SERP2: variants seen among roughly 807,000 people sequenced by gnomAD.
The protein encoded by SERP2 is stress associated endoplasmic reticulum protein family member 2, also known as stress-associated endoplasmic reticulum protein 2.
SERP2 carries 6 observed loss-of-function variants against 9.1 expected under a neutral mutation model. The observed-to-expected ratio is 0.66, with a 90% CI of 0.36 to 1.30. The LOEUF (loss-of-function observed/expected upper bound fraction) is 1.30, where lower values mean the gene tolerates loss of function less well. Among genes scored for constraint, SERP2 ranks in the 50% most tolerant of loss-of-function variants. The pLI, the probability that SERP2 is intolerant of heterozygous loss-of-function variation, is 0.03. For synonymous variants in SERP2, 37 were observed against 27.3 expected, an observed-to-expected ratio of 1.35 and a Z score of -1.10; for missense variants, 58 against 81.9, an observed-to-expected ratio of 0.71 and a Z score of 1.13.
intron 1 of SERP2, among the ~76,000 whole-genome samples, chr13:44,376,794 G>A (rs1871680214): frequency 6.6e-6 from 1 of 151,958 alleles, no homozygotes; most frequent in Admixed American, 6.6e-5. Flanking sequence ...AGGAAACAGA[G>A]AAATGGAATA....
At chr13:44,395,987 A>C in intron 2 of SERP2, 1 of 335,628 alleles carries the variant, frequency 3.0e-6, no homozygotes, top group Non-Finnish European at 6.0e-6. Flanking sequence ...TAATGAGATC[A>C]CAGCACGTCT....
At chr13:44,385,967 G>C (rs759026290) in intron 2 of SERP2, among the ~76,000 whole-genome samples, 1 of 152,116 alleles carries the variant, frequency 6.6e-6, no homozygotes, top group East Asian at 1.9e-4. Flanking sequence ...CATCCTTCCC[G>C]GCTGCATGTT....
intron 2 of SERP2, among the ~76,000 whole-genome samples, chr13:44,385,064 G>A (rs1486932883): frequency 6.6e-6 from 1 of 152,250 alleles, no homozygotes; most frequent in Non-Finnish European, 1.5e-5. Flanking sequence ...CTGGTAAGAA[G>A]CTGGCATTTA....
chr13:44,395,909 G>A lies in SERP2; in HGVS notation c.158-1363G>A, dbSNP rs139034148. The A allele has an allele frequency of 7.1e-4, 321 of 451,054 alleles. 2 individuals carry two copies. The highest frequency in any genetic ancestry group is 5.4e-3 in the African/African-American group (271 of 49,828). 27.9% of individuals were successfully genotyped at this position (451,054 alleles called of 1,614,324 possible). A position where few individuals can be genotyped will look rare whatever the true frequency, so the allele number is the denominator to read the frequency against. ...GAGACCCAAAAAATGATCAGAAGCA[G>A]AAATGGGAGCCCAGAAGTGCAGCTG... On this transcript the variant is annotated intron_variant, in intron 2 of 2. Coordinates refer to ENST00000379179, the MANE Select transcript of SERP2 (RefSeq NM_001010897.3).
At chr13:44,378,113 TATCTATGATAAA>T in intron 1 of SERP2, among the ~76,000 whole-genome samples, 1 of 152,352 alleles carries the variant, frequency 6.6e-6, no homozygotes, top group East Asian at 1.9e-4. Flanking sequence ...ACTGTTGCCT[TATCTATGATAAA>T]ATAAATTCCT....
chr13:44,376,732 G>A (rs1002057337), intron 1 of SERP2, among the ~76,000 whole-genome samples: 13 of 151,656 alleles, frequency 8.6e-5, no homozygotes, highest in Non-Finnish European at 1.9e-4. Flanking sequence ...CCGAGATCAC[G>A]CCACCGCACT....
chr13:44,379,638 T>C lies in SERP2; in HGVS notation c.85-3T>C. 6.2e-7 allele frequency: 1 copy of C among 1,609,712 alleles called. No homozygotes were observed. The highest frequency in any genetic ancestry group is 8.5e-7 in the Non-Finnish European group (1 of 1,177,704). The stretch of plus-strand genomic sequence containing the variant: ...AATCTTACTTTTTCCCATTCCCTTT[T>C]AGAGGCCGCAAGAGGAGAAATATCC... On this transcript the variant is annotated splice_polypyrimidine_tract_variant and splice_region_variant and intron_variant, in intron 1 of 2. Transcript: ENST00000379179.
At chr13:44,383,287 G>A (rs1009839311) in intron 2 of SERP2, among the ~76,000 whole-genome samples, 4 of 152,192 alleles carry the variant, frequency 2.6e-5, no homozygotes, top group African/African-American at 9.7e-5. Context: ...GAAAAAGCCA[G>A]TAGAGTCATT....
At chr13:44,380,040 C>T (rs1871882799) in intron 2 of SERP2, among the ~76,000 whole-genome samples, 1 of 152,182 alleles carries the variant, frequency 6.6e-6, no homozygotes, top group Admixed American at 6.5e-5. Context: ...CACCTGTGTG[C>T]CTGTGATAAA....
chr13:44,374,527 T>C (rs189356974), intron 1 of SERP2, among the ~76,000 whole-genome samples: 118 of 152,328 alleles, frequency 7.7e-4, no homozygotes, highest in African/African-American at 2.6e-3. Flanking sequence ...GAACGTTGCA[T>C]GACACAGAGC....
chr13:44,380,161 G>A (rs888824295), intron 2 of SERP2, among the ~76,000 whole-genome samples: 9 of 152,152 alleles, frequency 5.9e-5, no homozygotes, highest in African/African-American at 1.4e-4. Flanking sequence ...CTTAAGGTAT[G>A]GGTCACCTGA....
At chr13:44,390,648 T>C in intron 2 of SERP2, 1 of 198,556 alleles carries the variant, frequency 5.0e-6, no homozygotes, top group South Asian at 6.9e-5. Flanking sequence ...CAGAAGCATC[T>C]TTCTGTTATT....
chr13:44,385,902 G>A (rs1199334171), intron 2 of SERP2, among the ~76,000 whole-genome samples: 1 of 152,106 alleles, frequency 6.6e-6, no homozygotes, highest in Non-Finnish European at 1.5e-5. Context: ...GGGAAACAGG[G>A]GCACCACGGG....
intron 2 of SERP2, chr13:44,390,689 G>A (rs56874306): frequency 0.012 from 2,069 of 175,502 alleles, 52 homozygotes; most frequent in African/African-American, 0.046. Flanking sequence ...TACATTCTTT[G>A]CTAATAACAT....
At chr13:44,384,557 C>T (rs1282140104) in intron 2 of SERP2, among the ~76,000 whole-genome samples, 2 of 152,218 alleles carry the variant, frequency 1.3e-5, no homozygotes, top group African/African-American at 2.4e-5. Context: ...TGCACCTGCA[C>T]ACCTGCCCTG....
In SERP2 at chr13:44,380,403, T is replaced by G. The variant is rs1285110831; in HGVS notation, c.157+690T>G. On this transcript the variant is annotated intron_variant, in intron 2 of 2. Coordinates refer to ENST00000379179, the MANE Select transcript of SERP2 (RefSeq NM_001010897.3). ...TGAGGGATTCCCACCCTCCAGCATC[T>G]CACTGTTACTGAGGGCAGGGAGGCA... Among the ~76,000 whole-genome samples, 3 of 152,104 alleles carry G rather than the reference T, an allele frequency of 2.0e-5. No individual in the cohort carries two copies. The East Asian group carries it at 5.8e-4, about 29-fold the overall frequency.
At chr13:44,373,703 C>T (rs1296257793), upstream of SERP2, 4 of 320,554 alleles carry the variant, frequency 1.2e-5, no homozygotes, top group African/African-American at 2.2e-5. This position sits in a 1 kb window ranked among gnomAD's most constrained non-coding sequence, Gnocchi z 4.8. Context: ...CGCTGCGCTC[C>T]GGCCGCTCGG....
At chr13:44,381,955 T>A (rs1872004082) in intron 2 of SERP2, among the ~76,000 whole-genome samples, 1 of 152,046 alleles carries the variant, frequency 6.6e-6, no homozygotes, top group Non-Finnish European at 1.5e-5. Context: ...AATTTGTAGA[T>A]CCTAGTTTAG....
At chr13:44,393,379 G>A (rs1872894466) in intron 2 of SERP2, among the ~76,000 whole-genome samples, 1 of 152,084 alleles carries the variant, frequency 6.6e-6, no homozygotes. Flanking sequence ...TTGTTGAAAG[G>A]GGTGCTGAAA....
Sources: gnomAD v4.1 joint callset for allele counts (sites outside exome capture counted in the v4.1 genomes callset) on GRCh38, gnomAD v4.1.1 for gene constraint, Gnocchi (gnomAD v3.1) non-coding constraint, MANE v1.5 for transcripts, NCBI Gene and HGNC (gene_info 2026-07-23, HGNC 2026-07-21) for gene names.